LRRC69: variants seen among roughly 807,000 people sequenced by gnomAD.
LRRC69 encodes leucine-rich repeat-containing protein 69.
A neutral mutation model predicts 37.8 loss-of-function variants in LRRC69; 42 were observed. That is an observed-to-expected ratio of 1.11 (90% CI 0.87 to 1.44). The LOEUF (loss-of-function observed/expected upper bound fraction) is 1.44. LRRC69 is among the 40% of genes most tolerant of loss of function. The pLI is 0.00. For synonymous variants in LRRC69, 141 were observed against 143.1 expected (o/e 0.99, Z 0.11); for missense variants, 357 against 401.9 (o/e 0.89, Z 0.96).
At chr8:91,194,698 C>G (rs1008956785) in intron 6 of LRRC69, among the ~76,000 whole-genome samples, 99 of 152,214 alleles carry the variant, frequency 6.5e-4, no homozygotes, top group African/African-American at 2.1e-3. Flanking sequence ...ATGATATCCC[C>G]TTTATCATTT....
At chr8:91,205,182 C>T (rs1809781710) in intron 7 of LRRC69, among the ~76,000 whole-genome samples, 1 of 152,068 alleles carries the variant, frequency 6.6e-6, no homozygotes, top group African/African-American at 2.4e-5. Flanking sequence ...ATAAATAAAG[C>T]TATCCTTCAT....
At chr8:91,157,944 C>T (rs1429422878) in intron 5 of LRRC69, 3 of 1,456,664 alleles carry the variant, frequency 2.1e-6, no homozygotes, top group Non-Finnish European at 2.9e-6. Flanking sequence ...ACTGATTGCA[C>T]GTTCCGTATT....
At chr8:91,180,777 G>A (rs770896111) in intron 5 of LRRC69, among the ~76,000 whole-genome samples, 3 of 151,304 alleles carry the variant, frequency 2.0e-5, no homozygotes, top group Non-Finnish European at 3.0e-5. Flanking sequence ...CTGGCATAGG[G>A]CAAAGAATCT....
chr8:91,161,767 G>A (rs374369208), intron 5 of LRRC69, among the ~76,000 whole-genome samples: 16 of 150,318 alleles, frequency 1.1e-4, no homozygotes, highest in East Asian at 5.9e-4. Flanking sequence ...GTTTATTTCT[G>A]CGCTAATTTT....
chr8:91,150,598 A>C (rs544778124), intron 5 of LRRC69, among the ~76,000 whole-genome samples: 1 of 152,074 alleles, frequency 6.6e-6, no homozygotes, highest in Non-Finnish European at 1.5e-5. Flanking sequence ...TGCTGGCCTC[A>C]TAAAATGAGT....
At chr8:91,174,614 C>T (rs907210179) in intron 5 of LRRC69, among the ~76,000 whole-genome samples, 1 of 152,174 alleles carries the variant, frequency 6.6e-6, no homozygotes, top group African/African-American at 2.4e-5. Flanking sequence ...GAATATATTT[C>T]GTCTAGTTCA....
chr8:91,206,206 C>G (rs1235449648), intron 7 of LRRC69, among the ~76,000 whole-genome samples: 1 of 152,178 alleles, frequency 6.6e-6, no homozygotes. Context: ...TATTACATCT[C>G]TATGTATCAT....
chr8:91,198,660 A>G (rs62526735), intron 6 of LRRC69, among the ~76,000 whole-genome samples: 5,476 of 152,288 alleles, frequency 0.036, 104 homozygotes, highest in Middle Eastern at 0.045. Flanking sequence ...AAAATAGCAT[A>G]TAAGCTATCT....
At chr8:91,168,415 C>CA (rs2130577082) in intron 5 of LRRC69, among the ~76,000 whole-genome samples, 1 of 151,966 alleles carries the variant, frequency 6.6e-6, no homozygotes, top group South Asian at 2.1e-4. Flanking sequence ...GGTCATGTGT[C>CA]ACAGTTCTGG....
intron 6 of LRRC69, among the ~76,000 whole-genome samples, chr8:91,196,616 C>G (rs1307155162): frequency 6.6e-6 from 1 of 152,176 alleles, no homozygotes; most frequent in African/African-American, 2.4e-5. Flanking sequence ...CGCTGATACC[C>G]TTTCTTCCAG....
At chr8:91,164,320 G>A (rs1808993739) in intron 5 of LRRC69, among the ~76,000 whole-genome samples, 1 of 151,602 alleles carries the variant, frequency 6.6e-6, no homozygotes, top group South Asian at 2.1e-4. Context: ...ACTACCCAAA[G>A]GTGTCAGGAA....
intron 3 of LRRC69, among the ~76,000 whole-genome samples, chr8:91,132,801 T>C (rs1008418599): frequency 6.6e-6 from 1 of 152,022 alleles, no homozygotes; most frequent in Non-Finnish European, 1.5e-5. Flanking sequence ...CCTCTAGCTT[T>C]CTCTTGGGTA....
At chr8:91,170,896 C>A (rs1216669779) in intron 5 of LRRC69, among the ~76,000 whole-genome samples, 1 of 136,160 alleles carries the variant, frequency 7.3e-6, no homozygotes, top group African/African-American at 2.8e-5. Context: ...CCAAAATTGA[C>A]AAATGGGATC....
intron 1 of LRRC69, among the ~76,000 whole-genome samples, chr8:91,121,420 C>T (rs1017143851): frequency 6.6e-6 from 1 of 152,048 alleles, no homozygotes; most frequent in Non-Finnish European, 1.5e-5. Flanking sequence ...TTTCCAACCT[C>T]TTTTTCGCTG....
intron 1 of LRRC69, among the ~76,000 whole-genome samples, chr8:91,108,764 A>G (rs754839833): frequency 1.3e-5 from 2 of 152,004 alleles, no homozygotes; most frequent in African/African-American, 2.4e-5. Context: ...ATCAGCTATC[A>G]TTAGTATTAG....
intron 5 of LRRC69, among the ~76,000 whole-genome samples, chr8:91,137,541 C>A (rs77778694): frequency 1.1e-4 from 17 of 151,998 alleles, no homozygotes; most frequent in African/African-American, 3.9e-4. Context: ...CTTTCACCTT[C>A]GTAGTCTGTT....
At chr8:91,148,745 T>C (rs1409930889) in intron 5 of LRRC69, among the ~76,000 whole-genome samples, 1 of 151,968 alleles carries the variant, frequency 6.6e-6, no homozygotes, top group Non-Finnish European at 1.5e-5. Flanking sequence ...CCAGCACCTG[T>C]TGTTTCCTGA....
intron 5 of LRRC69, among the ~76,000 whole-genome samples, chr8:91,160,300 G>GTT (rs1451630056): frequency 7.0e-6 from 1 of 142,942 alleles, no homozygotes; most frequent in African/African-American, 2.5e-5. Context: ...TTAGTTTTTT[G>GTT]TTTTTTTTTT....
intron 5 of LRRC69, among the ~76,000 whole-genome samples, chr8:91,159,643 C>G (rs1236593194): frequency 6.6e-6 from 1 of 150,930 alleles, no homozygotes; most frequent in Non-Finnish European, 1.5e-5. Context: ...AATAGCTAGA[C>G]AAGAAGAAAG....
Sources: gnomAD v4.1 joint callset for allele counts (sites outside exome capture counted in the v4.1 genomes callset) on GRCh38, gnomAD v4.1.1 for gene constraint, MANE v1.5 for transcripts, NCBI Gene and HGNC (gene_info 2026-07-23, HGNC 2026-07-21) for gene names.